Variants in WWOX observed in about 807,000 individuals in gnomAD.
WWOX encodes the protein WW domain containing oxidoreductase.
Under a neutral mutation model 46.2 loss-of-function variants are expected in WWOX, and 69 were observed. That is an observed-to-expected ratio of 1.49 (90% CI 1.23 to 1.82). The LOEUF (loss-of-function observed/expected upper bound fraction) is 1.82. Ranked by LOEUF, WWOX falls within the 40% of genes most tolerant of loss-of-function variation. WWOX has a pLI of 0.00. For missense variants in WWOX, 919 were observed against 542.6 expected, an observed-to-expected ratio of 1.69 and a Z score of -6.89; for synonymous variants, 359 against 202.6, an observed-to-expected ratio of 1.77 and a Z score of -6.56.
chr16:78,531,878 T>A lies in WWOX; in HGVS notation c.1056+99126T>A, dbSNP rs549631465. Among the ~76,000 whole-genome samples the A allele has an allele frequency of 2.0e-5, 3 of 152,112 alleles. No homozygotes were observed. The East Asian group carries it at 5.8e-4, about 29-fold the overall frequency. On this transcript the variant is annotated intron_variant, in intron 8 of 8. Coordinates refer to ENST00000566780, the MANE Select transcript of WWOX (RefSeq NM_016373.4). ...GTCTCAAAATAAACAAACAAATAAA[T>A]AAATAAAAATTGTTTAAACCTGCCA...
At chr16:78,354,232 C>CAG (rs1567519115) in intron 5 of WWOX, among the ~76,000 whole-genome samples, 1 of 151,826 alleles carries the variant, frequency 6.6e-6, no homozygotes, top group African/African-American at 2.4e-5. Context: ...CCCAGCACCC[C>CAG]CCCACCCCTG....
chr16:78,743,464 G>C (rs187966936), intron 8 of WWOX, among the ~76,000 whole-genome samples: 3 of 142,966 alleles, frequency 2.1e-5, no homozygotes, highest in East Asian at 4.2e-4. Flanking sequence ...ATTTAGAGAA[G>C]AAATTAGAAA....
chr16:78,617,880 A>G (rs35210866), intron 8 of WWOX, among the ~76,000 whole-genome samples: 22,897 of 152,212 alleles, frequency 0.15, 1,983 homozygotes, highest in African/African-American at 0.23. Flanking sequence ...ATATGAATCT[A>G]TCTTTGCCTA....
rs191572781 is a variant in WWOX at position 78,809,210 on chromosome 16, A to T, written c.1056+376458A>T. Among the ~76,000 whole-genome samples, 462 of 151,330 alleles carry T rather than the reference A, an allele frequency of 3.1e-3. 1 individual carries two copies. Among genetic ancestry groups the T allele is most frequent in the Non-Finnish European group, 5.4e-3 (365 of 67,830 alleles). ...TCTCCTGGATGGTTTCCTTTAGAGC[A>T]TGTGTCCTATAACTTGAAATGGTTG... is the stretch of plus-strand genomic sequence containing the variant. On this transcript the variant is annotated intron_variant, in intron 8 of 8. Coordinates refer to ENST00000566780, the MANE Select transcript of WWOX (RefSeq NM_016373.4).
intron 5 of WWOX, among the ~76,000 whole-genome samples, chr16:78,191,414 C>G (rs143590591): frequency 5.2e-4 from 79 of 152,256 alleles, no homozygotes; most frequent in Non-Finnish European, 8.2e-4. Context: ...TAGAAAATAG[C>G]ATCGTAATGA....
intron 8 of WWOX, among the ~76,000 whole-genome samples, chr16:78,747,993 A>G (rs2049388403): frequency 6.6e-6 from 1 of 152,206 alleles, no homozygotes; most frequent in Non-Finnish European, 1.5e-5. Context: ...GCAGCCTAAG[A>G]AACTCCAAGT....
chr16:78,917,278 T>A (rs1567647625), intron 8 of WWOX, among the ~76,000 whole-genome samples: 1 of 152,194 alleles, frequency 6.6e-6, no homozygotes, highest in African/African-American at 2.4e-5. Context: ...GTGGTTCCCC[T>A]AACTCAAATC....
chr16:79,179,047 A>G (rs1229416818), intron 8 of WWOX, among the ~76,000 whole-genome samples: 3 of 152,182 alleles, frequency 2.0e-5, no homozygotes, highest in African/African-American at 7.2e-5. Flanking sequence ...TGCCTCAGCA[A>G]TATTCTGTGA....
intron 8 of WWOX, among the ~76,000 whole-genome samples, chr16:78,843,393 TAACA>T (rs2052212429): frequency 1.3e-5 from 2 of 150,062 alleles, no homozygotes; most frequent in Non-Finnish European, 3.0e-5. Flanking sequence ...TTTGTTGACT[TAACA>T]AAGCCAATCG....
At chr16:79,095,194 C>G (rs2049043947) in intron 8 of WWOX, among the ~76,000 whole-genome samples, 1 of 152,190 alleles carries the variant, frequency 6.6e-6, no homozygotes, top group South Asian at 2.1e-4. Context: ...CTTTGTCCAC[C>G]TGTCGTTTTC....
intron 8 of WWOX, among the ~76,000 whole-genome samples, chr16:78,868,944 T>C (rs2044066608): frequency 1.3e-5 from 2 of 151,978 alleles, no homozygotes; most frequent in Non-Finnish European, 2.9e-5. Flanking sequence ...CGTGCAAACG[T>C]CCATACACAC....
chr16:78,789,579 G>T (rs1348749209), intron 8 of WWOX, among the ~76,000 whole-genome samples: 3 of 152,206 alleles, frequency 2.0e-5, no homozygotes, highest in African/African-American at 7.2e-5. Flanking sequence ...ATTTGGAATT[G>T]TGAATTCTCC....
chr16:78,586,921 T>G (rs957433151), intron 8 of WWOX, among the ~76,000 whole-genome samples: 1 of 152,154 alleles, frequency 6.6e-6, no homozygotes, highest in Non-Finnish European at 1.5e-5. Context: ...AAATCCCTTC[T>G]CCCACTTTTC....
intron 8 of WWOX, among the ~76,000 whole-genome samples, chr16:78,992,391 C>G (rs375595808): frequency 6.6e-6 from 1 of 152,030 alleles, no homozygotes; most frequent in Admixed American, 6.5e-5. Flanking sequence ...TGCTTGAATC[C>G]GGGAGGCAGA....
At chr16:79,003,899 G>A (rs1349772900) in intron 8 of WWOX, among the ~76,000 whole-genome samples, 1 of 152,166 alleles carries the variant, frequency 6.6e-6, no homozygotes, top group Admixed American at 6.5e-5. Flanking sequence ...CTCGATGAGA[G>A]GAGAAGCGAA....
chr16:78,739,663 T>G (rs2049169420), intron 8 of WWOX, among the ~76,000 whole-genome samples: 1 of 152,002 alleles, frequency 6.6e-6, no homozygotes, highest in Admixed American at 6.6e-5. Context: ...ACACAAAAAT[T>G]AGCTTGGCTT....
chr16:78,821,439 A>G (rs2051490536), intron 8 of WWOX, among the ~76,000 whole-genome samples: 1 of 152,102 alleles, frequency 6.6e-6, no homozygotes. Flanking sequence ...CCCGGTGGCT[A>G]ATAAAGTAGA....
chr16:79,185,680 G>T (rs1350904128), intron 8 of WWOX, among the ~76,000 whole-genome samples: 2 of 152,128 alleles, frequency 1.3e-5, no homozygotes, highest in Admixed American at 6.5e-5. Context: ...CAGAGCCTGT[G>T]CTAAGACATC....
chr16:79,060,601 T>C (rs2048341257), intron 8 of WWOX, among the ~76,000 whole-genome samples: 2 of 152,228 alleles, frequency 1.3e-5, no homozygotes, highest in South Asian at 2.1e-4. Flanking sequence ...CAGTGACATA[T>C]GTCTTATGTC....
Sources: allele counts gnomAD v4.1 joint callset (sites outside exome capture counted in the v4.1 genomes callset), GRCh38; gene constraint gnomAD v4.1.1; transcripts MANE v1.5; gene names NCBI Gene and HGNC (gene_info 2026-07-23, HGNC 2026-07-21).